Variants in G3BP2 observed in about 807,000 individuals in gnomAD.
The protein encoded by G3BP2 is ras GTPase-activating protein-binding protein 2.
In G3BP2, 11 loss-of-function variants were observed where a neutral mutation model predicts 56.7. That is an observed-to-expected ratio of 0.19 (90% CI 0.12 to 0.32). G3BP2 has a LOEUF of 0.32. G3BP2 is among the 10% of genes least tolerant of loss of function. The pLI is 1.00. For synonymous variants in G3BP2, 165 were observed against 191.6 expected (o/e 0.86, Z 1.15); for missense variants, 340 against 610.9 (o/e 0.56, Z 4.67).
At chr4:75,717,190 C>T (rs1191771323) in intron 3 of G3BP2, among the ~76,000 whole-genome samples, 5 of 152,120 alleles carry the variant, frequency 3.3e-5, no homozygotes, top group Admixed American at 2.6e-4. Flanking sequence ...TGCCTGTAAT[C>T]TCAGCACTTT....
At chr4:75,716,579 G>A (rs370345219) in intron 3 of G3BP2, among the ~76,000 whole-genome samples, 1 of 150,644 alleles carries the variant, frequency 6.6e-6, no homozygotes, top group Non-Finnish European at 1.5e-5. Flanking sequence ...GCAGTGGCGC[G>A]ATCTCGGCTC....
At chr4:75,677,594 A>G (rs529128311), upstream of G3BP2, among the ~76,000 whole-genome samples, 17 of 152,206 alleles carry the variant, frequency 1.1e-4, no homozygotes, top group Non-Finnish European at 1.9e-4. Flanking sequence ...TAAAAAAAAA[A>G]AGAGATGACT....
intron 3 of G3BP2, among the ~76,000 whole-genome samples, chr4:75,720,804 T>G (rs1438694579): frequency 1.2e-5 from 1 of 82,826 alleles, no homozygotes; most frequent in Non-Finnish European, 2.7e-5. Flanking sequence ...TCAAAATAAA[T>G]AAATAAATAA....
At chr4:75,712,718 T>C (rs911750473) in intron 3 of G3BP2, among the ~76,000 whole-genome samples, 4 of 152,104 alleles carry the variant, frequency 2.6e-5, no homozygotes, top group African/African-American at 7.2e-5. Flanking sequence ...TATCTTGAAC[T>C]ATAAGGGAGG....
chr4:75,674,359 T>C (rs925472300), upstream of G3BP2, among the ~76,000 whole-genome samples: 9 of 152,222 alleles, frequency 5.9e-5, no homozygotes, highest in African/African-American at 1.9e-4. Context: ...CTCATCAGTT[T>C]TCTTCGCAAT....
intron 9 of G3BP2, among the ~76,000 whole-genome samples, chr4:75,647,900 A>G (rs549824202): frequency 1.3e-5 from 2 of 152,372 alleles, no homozygotes; most frequent in African/African-American, 4.8e-5. Flanking sequence ...CAGAGTTCAA[A>G]TAAAAGTATT....
chr4:75,696,594 T>G (rs1022519255), intron 3 of G3BP2, among the ~76,000 whole-genome samples: 5 of 152,168 alleles, frequency 3.3e-5, no homozygotes, highest in African/African-American at 1.2e-4. Context: ...GTTCTTCCCT[T>G]CTCTTTGTAC....
intron 9 of G3BP2, among the ~76,000 whole-genome samples, chr4:75,647,912 C>G (rs892256150): frequency 6.6e-6 from 1 of 152,200 alleles, no homozygotes; most frequent in African/African-American, 2.4e-5. Context: ...AAAAGTATTA[C>G]ATGTGTAGCT....
At chr4:75,690,208 C>T (rs544759297) in intron 3 of G3BP2, among the ~76,000 whole-genome samples, 6 of 152,076 alleles carry the variant, frequency 3.9e-5, no homozygotes, top group African/African-American at 1.2e-4. Context: ...CCAAGGTGGG[C>T]GGATCACCTG....
At chr4:75,652,285 G>T (rs1481940715) in intron 8 of G3BP2, among the ~76,000 whole-genome samples, 1 of 152,152 alleles carries the variant, frequency 6.6e-6, no homozygotes, top group Non-Finnish European at 1.5e-5. Context: ...TGCAAATACA[G>T]ATAAGATACA....
At chr4:75,673,532 G>T (rs918960369), upstream of G3BP2, 5 of 1,232,068 alleles carry the variant, frequency 4.1e-6, no homozygotes, top group African/African-American at 1.6e-5. Flanking sequence ...CAACCTTCCC[G>T]TGTCCCTCTG....
chr4:75,696,597 CTT>C, intron 3 of G3BP2, among the ~76,000 whole-genome samples: 1 of 152,294 alleles, frequency 6.6e-6, no homozygotes, highest in South Asian at 2.1e-4. Flanking sequence ...CTTCCCTTCT[CTT>C]TGTACATTTC....
chr4:75,719,567 T>C (rs988124916), intron 3 of G3BP2, among the ~76,000 whole-genome samples: 8 of 152,032 alleles, frequency 5.3e-5, no homozygotes, highest in Non-Finnish European at 8.8e-5. Flanking sequence ...GTGAGACACC[T>C]CAACTATTCC....
intron 9 of G3BP2, among the ~76,000 whole-genome samples, chr4:75,648,225 G>C (rs1206151274): frequency 6.6e-6 from 1 of 152,028 alleles, no homozygotes; most frequent in African/African-American, 2.4e-5. Flanking sequence ...GCGTGTGCCT[G>C]TAATCCCAGC....
chr4:75,664,578 CAATA>C (rs1038722093), intron 1 of G3BP2, among the ~76,000 whole-genome samples: 79 of 151,284 alleles, frequency 5.2e-4, no homozygotes, highest in African/African-American at 1.7e-3. Context: ...GGCTCCATCT[CAATA>C]AATAAATAAA....
intron 3 of G3BP2, among the ~76,000 whole-genome samples, chr4:75,720,806 A>AATAC: frequency 7.9e-6 from 1 of 125,900 alleles, no homozygotes; most frequent in East Asian, 2.0e-4. Context: ...AAAATAAATA[A>AATAC]ATAAATAAAT....
Position 75,696,266 on chromosome 4 carries a change from T to C in G3BP2, c.-25+24611A>G, listed in dbSNP as rs545339256. 2.6e-4 allele frequency among the ~76,000 whole-genome samples: 40 copies of C among 152,236 alleles called. 1 individual carries two copies. In the South Asian group the frequency reaches 7.3e-3, roughly 28 times the overall value. ...ACCCTAGTATTTATGGTAGTGAGGT[T>C]TGAGCTGTGTTTGTTTGGGCTGTGC... On this transcript the variant is annotated intron_variant, in intron 3 of 3. Transcript: ENST00000499709.
intron 3 of G3BP2, among the ~76,000 whole-genome samples, chr4:75,697,295 AAAAAAAG>A (rs1183344524): frequency 0.024 from 2,531 of 107,360 alleles, 299 homozygotes; most frequent in African/African-American, 0.12. Flanking sequence ...AAAAAAAAAA[AAAAAAAG>A]ATCATGAAAT....
chr4:75,710,427 C>A (rs1719712579), intron 3 of G3BP2, among the ~76,000 whole-genome samples: 1 of 152,192 alleles, frequency 6.6e-6, no homozygotes, highest in African/African-American at 2.4e-5. Context: ...TTCCACATCT[C>A]ATAAATTATG....
Sources: gnomAD v4.1 joint callset for allele counts (sites outside exome capture counted in the v4.1 genomes callset) on GRCh38, gnomAD v4.1.1 for gene constraint, MANE v1.5 for transcripts, NCBI Gene and HGNC (gene_info 2026-07-23, HGNC 2026-07-21) for gene names.